The following SLC38A11 variants were observed in gnomAD, a reference collection of about 807,000 sequenced individuals.
SLC38A11 encodes solute carrier family 38 member 11, also known as putative sodium-coupled neutral amino acid transporter 11.
Under a neutral mutation model 49.4 loss-of-function variants are expected in SLC38A11, and 51 were observed. The ratio of observed to expected loss-of-function variants is 1.03; its 90% CI spans 0.83 to 1.30. The LOEUF (loss-of-function observed/expected upper bound fraction) is 1.30, where lower values mean the gene tolerates loss of function less well. SLC38A11 is among the 50% of genes most tolerant of loss of function. The pLI, the probability that SLC38A11 is intolerant of heterozygous loss-of-function variation, is 0.00. For missense variants in SLC38A11, 574 were observed against 556.2 expected (o/e 1.03, Z -0.32); for synonymous variants, 203 against 192.9 (o/e 1.05, Z -0.43).
intron 5 of SLC38A11, 119 bp downstream of exon 5, chr2:164,944,450 T>A: frequency 5.1e-6 from 2 of 393,506 alleles, no homozygotes; most frequent in South Asian, 1.3e-4. Flanking sequence ...GTGAGATACC[T>A]GAAGTAATCC....
chr2:164,952,594 C>T, intron 3 of SLC38A11, 113 bp downstream of exon 3: 1 of 761,904 alleles, frequency 1.3e-6, no homozygotes, highest in East Asian at 2.6e-5. Context: ...TTCTTTGATG[C>T]ACTTTTTAAT....
At chr2:164,945,850 A>C in intron 3 of SLC38A11, 123 bp from the exon 4 acceptor site, 1 of 1,021,124 alleles carries the variant, frequency 9.8e-7, no homozygotes. Flanking sequence ...ATGCTGCAGT[A>C]TTAGCAGAGC....
chr2:164,898,626 G>A lies in SLC38A11; in HGVS notation c.1200C>T (p.Val400=). 6.2e-7 allele frequency: 1 copy of A among 1,613,586 alleles called. No homozygotes were observed. The highest frequency in any genetic ancestry group is 8.5e-7 in the Non-Finnish European group (1 of 1,179,710). Residue 400 remains valine (V), a synonymous_variant, in exon 12 of 12, where the codon GTC becomes GTT. Transcript: ENST00000685975. ...RTHSDKIMSC[V]MLPIGAVVMV... is the part of the protein sequence containing the mutation. ...TCACCACAGCACCAATGGGAAGCATGACACAAGACATAATCTTATCGGAGT... is the reference window on the plus strand; with the variant it reads ...TCACCACAGCACCAATGGGAAGCATAACACAAGACATAATCTTATCGGAGT...
chr2:164,947,117 CTTTTTTTTTTTTTTT>C lies in SLC38A11; in HGVS notation c.230-1405_230-1391del, dbSNP rs200284770. ...CCTGGATTCTTGGACTTTTTTATCT[CTTTTTTTTTTTTTTT>C]TTTTTTTTTTTTTTTTTGAGATAGA... On this transcript the variant is annotated intron_variant, in intron 3 of 11. Transcript: ENST00000685975. Among the ~76,000 whole-genome samples the C allele has an allele frequency of 4.9e-4, 36 of 72,910 alleles. 2 individuals are homozygous for C. Among genetic ancestry groups the C allele is most frequent in the Middle Eastern group, 0.023 (2 of 88 alleles). 47.8% of individuals were successfully genotyped at this position (72,910 alleles called of 152,430 possible).
At chr2:164,932,017 C>A (rs1471250087) in intron 7 of SLC38A11, among the ~76,000 whole-genome samples, 1 of 152,108 alleles carries the variant, frequency 6.6e-6, no homozygotes, top group African/African-American at 2.4e-5. Context: ...TTTCTGCAAA[C>A]TATGCATCTG....
At chr2:164,930,176 C>A (rs762198960) in intron 7 of SLC38A11, among the ~76,000 whole-genome samples, 1 of 152,038 alleles carries the variant, frequency 6.6e-6, no homozygotes, top group Non-Finnish European at 1.5e-5. Context: ...TTCCTGGATA[C>A]ATACACCCTC....
intron 3 of SLC38A11, among the ~76,000 whole-genome samples, chr2:164,946,564 C>CAA (rs34775521): frequency 0.012 from 1,254 of 106,458 alleles, 19 homozygotes; most frequent in African/African-American, 0.016. Flanking sequence ...GACTCCCTCT[C>CAA]AAAAAAAAAA....
At chr2:164,934,345 T>C (rs1687210826) in intron 7 of SLC38A11, among the ~76,000 whole-genome samples, 1 of 152,164 alleles carries the variant, frequency 6.6e-6, no homozygotes, top group African/African-American at 2.4e-5. Context: ...GGTTTAATTT[T>C]AGAAACAATG....
chr2:164,898,468 A>G lies in SLC38A11; in HGVS notation c.1358T>C (p.Leu453Pro). ...AAAGATACTAATATTTAAAGTAGAA[A>G]GTTGTGTTGTCTGCTGAACATGAGA... Reference protein sequence around the residue: ...SESHVQQTTQLSTLNISIFQ With the variant: ...SESHVQQTTQPSTLNISIFQ The change falls in exon 12 of 12, where the codon CTT becomes CCT. Residue 453 changes from leucine (L) to proline (P), a missense_variant. Physicochemically the swap from Leu to Pro is moderately conservative, Grantham distance 98. Coordinates refer to ENST00000685975, the MANE Select transcript of SLC38A11 (RefSeq NM_001351537.2). 1.2e-6 allele frequency: 2 copies of G among 1,612,794 alleles called. No homozygotes were observed. The highest frequency in any genetic ancestry group is 1.3e-5 in the African/African-American group (1 of 74,984).
intron 7 of SLC38A11, among the ~76,000 whole-genome samples, chr2:164,916,845 T>C (rs1315566713): frequency 1.3e-5 from 2 of 152,130 alleles, no homozygotes; most frequent in Non-Finnish European, 2.9e-5. Context: ...CTAAGGTCAG[T>C]TAGCTTAAAT....
intron 5 of SLC38A11, 149 bp downstream of exon 5, chr2:164,944,420 C>T (rs980021954): frequency 1.7e-5 from 6 of 349,796 alleles, no homozygotes; most frequent in Non-Finnish European, 2.6e-5. Context: ...ACTTTAAGAT[C>T]AGAATGGATC....
chr2:164,934,069 C>A (rs1382977997), intron 7 of SLC38A11, among the ~76,000 whole-genome samples: 1 of 152,062 alleles, frequency 6.6e-6, no homozygotes, highest in Non-Finnish European at 1.5e-5. Context: ...CCATAAAAAT[C>A]ATTTCATTGA....
Position 164,898,290 on chromosome 2 carries a change from A to T in SLC38A11, c.*147T>A. On this transcript the variant is annotated 3_prime_UTR_variant, in exon 12 of 12. Transcript: ENST00000685975. ...AATACATTCAATTTTTCTTTTCTTT[A>T]TCTTTTATATTGCACTACTCATAAA... 3.3e-6 allele frequency: 2 copies of T among 608,758 alleles called. No individual in the cohort carries two copies. Among genetic ancestry groups the T allele is most frequent in the East Asian group, 2.9e-5 (1 of 34,910 alleles). 37.7% of individuals were successfully genotyped at this position (608,758 alleles called of 1,614,324 possible). A position where few individuals can be genotyped will look rare whatever the true frequency, so the allele number is the denominator to read the frequency against.
At chr2:164,951,361 A>T (rs17353770) in intron 3 of SLC38A11, among the ~76,000 whole-genome samples, 35,756 of 149,780 alleles carry the variant, frequency 0.24, 4,713 homozygotes, top group East Asian at 0.33. Context: ...CTTGAATGAA[A>T]TTTTTTTTTT....
chr2:164,921,281 A>G (rs1389098290), intron 7 of SLC38A11, among the ~76,000 whole-genome samples: 1 of 152,162 alleles, frequency 6.6e-6, no homozygotes, highest in African/African-American at 2.4e-5. Flanking sequence ...ATTAAAAGCC[A>G]TTTGTAATCT....
At chr2:164,908,845 T>C in intron 10 of SLC38A11, 74 bp from the exon 11 acceptor site, 2 of 1,466,394 alleles carry the variant, frequency 1.4e-6, no homozygotes, top group Non-Finnish European at 1.8e-6. Context: ...TATTTTACAA[T>C]AGTATTTAGG....
intron 3 of SLC38A11, among the ~76,000 whole-genome samples, chr2:164,946,938 C>T (rs1211651392): frequency 4.6e-5 from 7 of 152,006 alleles, no homozygotes; most frequent in Admixed American, 6.6e-5. Context: ...TCTGCTCTTT[C>T]GGAACACTGT....
chr2:164,942,919 C>T (rs1039044388), intron 5 of SLC38A11, among the ~76,000 whole-genome samples: 13 of 152,310 alleles, frequency 8.5e-5, no homozygotes, highest in South Asian at 4.1e-4. Flanking sequence ...GACAACTAAC[C>T]TTCTCAAGGT....
chr2:164,917,775 T>A lies in SLC38A11; in HGVS notation c.618-1802A>T, dbSNP rs572415518. Among the ~76,000 whole-genome samples the A allele has an allele frequency of 2.0e-5, 3 of 152,248 alleles. No individual in the cohort carries two copies. The East Asian group carries it at 5.8e-4, about 29-fold the overall frequency. On this transcript the variant is annotated intron_variant, in intron 7 of 11. Transcript: ENST00000685975. ...GTGTCCTACTTTTTAAATCTTATAT[T>A]AGTAATAAAATGTAGAAGTTTCATT...
Sources: allele counts gnomAD v4.1 joint callset (sites outside exome capture counted in the v4.1 genomes callset), GRCh38; gene constraint gnomAD v4.1.1; transcripts MANE v1.5; gene names NCBI Gene and HGNC (gene_info 2026-07-23, HGNC 2026-07-21).